The following CACNA1C variants were observed in gnomAD, a reference collection of about 807,000 sequenced individuals.
The protein encoded by CACNA1C is calcium voltage-gated channel subunit alpha1 C.
Under a neutral mutation model 229.0 loss-of-function variants are expected in CACNA1C, and 30 were observed. The observed-to-expected ratio is 0.13, with a 90% CI of 0.10 to 0.18. The LOEUF is 0.18. Among genes scored for constraint, CACNA1C ranks in the 10% least tolerant of loss-of-function variants. The pLI is 1.00. For missense variants in CACNA1C, 1,658 were observed against 2,845.0 expected (o/e 0.58, Z 9.49); for synonymous variants, 1,114 against 1,132.5 (o/e 0.98, Z 0.33).
intron 3 of CACNA1C, among the ~76,000 whole-genome samples, chr12:2,254,871 C>G (rs1374007375): frequency 6.6e-6 from 1 of 152,224 alleles, no homozygotes; most frequent in Non-Finnish European, 1.5e-5. Context: ...TCCCCCCGTC[C>G]TCTCTTCACT....
rs567095296 is a variant in CACNA1C at position 2,070,835 on chromosome 12, T to C, written c.49+17224T>C. On this transcript the variant is annotated intron_variant, in intron 1 of 46. Transcript: ENST00000399655. Reference sequence around the variant, plus strand: ...TCTTTCTTTCCCTTCCTTTCTTTTTTTTTCTTTCTTTCTCTCTTCCTTTTT... The same window carrying C: ...TCTTTCTTTCCCTTCCTTTCTTTTTCTTTCTTTCTTTCTCTCTTCCTTTTT... Among the ~76,000 whole-genome samples, 4 of 152,162 alleles carry C rather than the reference T, an allele frequency of 2.6e-5. No individual in the cohort carries two copies. The South Asian group carries it at 8.3e-4, about 32-fold the overall frequency.
intron 29 of CACNA1C, among the ~76,000 whole-genome samples, chr12:2,627,822 C>T (rs1483284945): frequency 6.6e-6 from 1 of 152,194 alleles, no homozygotes; most frequent in African/African-American, 2.4e-5. Flanking sequence ...CACTTCTAAT[C>T]CAGCCCCGAA....
chr12:2,551,993 C>G (rs1393894485), intron 10 of CACNA1C, among the ~76,000 whole-genome samples: 12 of 152,062 alleles, frequency 7.9e-5, no homozygotes, highest in Admixed American at 7.9e-4. Flanking sequence ...ATGAAAACTA[C>G]CAATGAGGTG....
intron 3 of CACNA1C, among the ~76,000 whole-genome samples, chr12:2,301,518 G>A (rs377751951): frequency 1.1e-4 from 17 of 152,012 alleles, no homozygotes; most frequent in African/African-American, 3.4e-4. Flanking sequence ...AGCCTCATCC[G>A]CCCCCCGCCA....
chr12:2,149,356 TATC>T lies in CACNA1C; in HGVS notation c.477+28929_477+28931del, dbSNP rs1241730786. Among the ~76,000 whole-genome samples, 5 of 152,164 alleles carry T rather than the reference TATC, an allele frequency of 3.3e-5. No individual in the cohort carries two copies. The East Asian group carries it at 9.7e-4, about 29-fold the overall frequency. ...AGAAAGAAAGAGAGGCCTGGTGAAA[TATC>T]ATAGGAAATGTCACGGTCTTTTCTG... On this transcript the variant is annotated intron_variant, in intron 3 of 46. Transcript: ENST00000399655.
At chr12:2,304,648 A>C (rs1592216089) in intron 3 of CACNA1C, among the ~76,000 whole-genome samples, 1 of 151,984 alleles carries the variant, frequency 6.6e-6, no homozygotes, top group Non-Finnish European at 1.5e-5. Context: ...GGGTTGCTCC[A>C]CCGGCCACAA....
chr12:2,385,720 G>C (rs2098369754), intron 3 of CACNA1C, among the ~76,000 whole-genome samples: 1 of 152,154 alleles, frequency 6.6e-6, no homozygotes, highest in Non-Finnish European at 1.5e-5. Context: ...TGGCCTCAGT[G>C]GCCCCTAGGA....
chr12:2,253,510 A>G (rs1232538255), intron 3 of CACNA1C, among the ~76,000 whole-genome samples: 1 of 152,236 alleles, frequency 6.6e-6, no homozygotes, highest in Non-Finnish European at 1.5e-5. Context: ...ATATGTGCAT[A>G]CTTTTCCCCA....
chr12:2,597,298 C>T lies in CACNA1C; in HGVS notation c.2853+9C>T. On this transcript the variant is annotated intron_variant, in intron 21 of 46. Transcript: ENST00000399655. This position sits in a 1 kb window ranked among gnomAD's most constrained non-coding sequence, Gnocchi z 4.3. ...TTGAAATTGCTCTGAAGGTAAAGCC[C>T]CCATCCCCTTCTGCTCCTCCTGTCC... The T allele has an allele frequency of 1.2e-6, 2 of 1,604,084 alleles. No individual in the cohort carries two copies. Among genetic ancestry groups the T allele is most frequent in the Non-Finnish European group, 1.7e-6 (2 of 1,171,060 alleles).
At chr12:2,102,484 TC>T (rs1013829944) in intron 1 of CACNA1C, among the ~76,000 whole-genome samples, 1 of 152,096 alleles carries the variant, frequency 6.6e-6, no homozygotes, top group Admixed American at 6.5e-5. Context: ...GGGGCATTCT[TC>T]CCCACTGTCT....
In CACNA1C at chr12:2,287,939, A is replaced by G. The variant is rs1009699473; in HGVS notation, c.478-161037A>G. 1 of 151,760 alleles carries G rather than the reference A, an allele frequency of 6.6e-6. No individual in the cohort carries two copies. Among genetic ancestry groups the G allele is most frequent in the Non-Finnish European group, 1.5e-5 (1 of 67,986 alleles). The allele number at this position is 151,760 out of a possible 1,614,324, so 9.4% of individuals were successfully genotyped here. ...TTCACATTCTCCAGGTGATTTTAAC[A>G]TATAGCTCTGGCTGAAAACGATTTC... On this transcript the variant is annotated intron_variant, in intron 3 of 46. Coordinates refer to ENST00000399655, the MANE Select transcript of CACNA1C (RefSeq NM_000719.7). The surrounding 1 kb of genome is among the most constrained non-coding windows in gnomAD (Gnocchi z 4.6).
At chr12:2,422,111 C>T (rs779463295) in intron 3 of CACNA1C, among the ~76,000 whole-genome samples, 1 of 152,096 alleles carries the variant, frequency 6.6e-6, no homozygotes, top group Admixed American at 6.5e-5. Flanking sequence ...AAACAAAATG[C>T]GGCCCATTCA....
At chr12:2,413,519 G>A (rs758876835) in intron 3 of CACNA1C, among the ~76,000 whole-genome samples, 1 of 152,156 alleles carries the variant, frequency 6.6e-6, no homozygotes, top group Non-Finnish European at 1.5e-5. Context: ...CCAGACATGT[G>A]TCAACAGAGC....
intron 7 of CACNA1C, among the ~76,000 whole-genome samples, chr12:2,502,603 A>G (rs1005418104): frequency 6.6e-6 from 1 of 152,210 alleles, no homozygotes; most frequent in African/African-American, 2.4e-5. Context: ...ATGTTGGGTG[A>G]ATTTTCCTAA....
At chr12:2,454,698 C>T (rs567479743) in intron 4 of CACNA1C, among the ~76,000 whole-genome samples, 1 of 152,260 alleles carries the variant, frequency 6.6e-6, no homozygotes, top group East Asian at 1.9e-4. Flanking sequence ...AGGAGGCCCT[C>T]GGTGACACCT....
intron 5 of CACNA1C, among the ~76,000 whole-genome samples, chr12:2,461,439 C>G (rs1170847032): frequency 6.6e-6 from 1 of 152,156 alleles, no homozygotes; most frequent in Non-Finnish European, 1.5e-5. Context: ...CCTGAGACCT[C>G]TCCTCTGTCT....
Position 2,340,962 on chromosome 12 carries a change from AG to A in CACNA1C, c.478-108013del, listed in dbSNP as rs199502760. Reference sequence around the variant, plus strand: ...ACAGAGTGAGACTCCGTCTCAAAAAAGAAAAAAAAAAGACTTGGCCTTTTAA... The same window carrying A: ...ACAGAGTGAGACTCCGTCTCAAAAAAAAAAAAAAAAGACTTGGCCTTTTAA... On this transcript the variant is annotated intron_variant, in intron 3 of 46. Coordinates refer to ENST00000399655, the MANE Select transcript of CACNA1C (RefSeq NM_000719.7). 5.0e-3 allele frequency among the ~76,000 whole-genome samples: 761 copies of A among 151,624 alleles called. 9 individuals are homozygous for A. The highest frequency in any genetic ancestry group is 0.016 in the African/African-American group (651 of 41,162).
At chr12:2,382,050 A>G (rs966186877) in intron 3 of CACNA1C, among the ~76,000 whole-genome samples, 1 of 152,182 alleles carries the variant, frequency 6.6e-6, no homozygotes, top group Non-Finnish European at 1.5e-5. Context: ...TCCCTTCTTA[A>G]ACTGGGGTTC....
intron 11 of CACNA1C, among the ~76,000 whole-genome samples, chr12:2,565,921 C>T (rs2050635082): frequency 6.6e-6 from 1 of 152,284 alleles, no homozygotes; most frequent in East Asian, 1.9e-4. Context: ...ACTCAACCTC[C>T]CCAGCCCTGA....
Sources: allele counts gnomAD v4.1 joint callset (sites outside exome capture counted in the v4.1 genomes callset), GRCh38; gene constraint gnomAD v4.1.1; non-coding constraint Gnocchi (gnomAD v3.1); transcripts MANE v1.5; gene names NCBI Gene and HGNC (gene_info 2026-07-23, HGNC 2026-07-21).